Variants in ABCC8 observed in about 807,000 individuals in gnomAD.
ABCC8 encodes ATP-binding cassette sub-family C member 8.
ABCC8 carries 137 observed loss-of-function variants against 188.0 expected under a neutral mutation model. That is an observed-to-expected ratio of 0.73 (90% CI 0.63 to 0.84). The LOEUF (loss-of-function observed/expected upper bound fraction) is 0.84, where lower values mean the gene tolerates loss of function less well. Ranked by LOEUF, ABCC8 falls within the 40% of genes least tolerant of loss-of-function variation. The pLI is 0.00. For missense variants in ABCC8, 1,750 were observed against 2,072.7 expected, an observed-to-expected ratio of 0.84 and a Z score of 3.02; for synonymous variants, 797 against 846.5, an observed-to-expected ratio of 0.94 and a Z score of 1.01.
intron 10 of ABCC8, among the ~76,000 whole-genome samples, chr11:17,436,359 C>T (rs1956095709): frequency 6.6e-6 from 1 of 152,006 alleles, no homozygotes; most frequent in African/African-American, 2.4e-5. Flanking sequence ...GGGGGTAAGA[C>T]AGGAAGGCAG....
intron 3 of ABCC8, among the ~76,000 whole-genome samples, chr11:17,469,061 C>A (rs1449850264): frequency 2.2e-5 from 3 of 139,198 alleles, no homozygotes; most frequent in African/African-American, 8.1e-5. Context: ...CTCCCTCCTC[C>A]CTCCCTCCCT....
chr11:17,424,503 T>C (rs1376534627), intron 16 of ABCC8, among the ~76,000 whole-genome samples: 2 of 152,054 alleles, frequency 1.3e-5, no homozygotes, highest in African/African-American at 4.8e-5. Flanking sequence ...CCCCTGCCAA[T>C]CATGCCTGCT....
intron 29 of ABCC8, among the ~76,000 whole-genome samples, chr11:17,401,520 A>G (rs1954242680): frequency 6.6e-6 from 1 of 151,892 alleles, no homozygotes. Flanking sequence ...GGTTGGGGGG[A>G]GGAGATGTAA....
intron 36 of ABCC8, 181 bp from the exon 37 acceptor site, chr11:17,394,580 C>A: frequency 1.4e-6 from 1 of 690,498 alleles, no homozygotes; most frequent in Non-Finnish European, 1.8e-6. Context: ...TGGAGGCCGT[C>A]TGCAAGGACT....
At chr11:17,393,909 C>T in intron 37 of ABCC8, 150 bp from the exon 38 acceptor site, 1 of 1,523,114 alleles carries the variant, frequency 6.6e-7, no homozygotes, top group Non-Finnish European at 8.9e-7. Flanking sequence ...GAACAGGTTC[C>T]CGGCACTCAG....
In ABCC8 at chr11:17,428,602, G is replaced by A. The variant is rs375862506; in HGVS notation, c.1886C>T (p.Pro629Leu). The change falls in exon 13 of 39, where the codon CCC (proline) becomes CTC (leucine). Residue 629 changes from proline to leucine, a missense_variant. Coordinates refer to ENST00000389817, the MANE Select transcript of ABCC8 (RefSeq NM_000352.6). Reference protein sequence around the residue: ...IREEQCAPHEPTPQGPASKYQ... With the variant: ...IREEQCAPHELTPQGPASKYQ... ...CTTGCTGGCTGGGCCCTGAGGTGTG[G>A]GCTCATGGGGGGCACACTGCTCCTC... is the stretch of plus-strand genomic sequence containing the variant. 58 of 1,613,972 alleles carry A rather than the reference G, an allele frequency of 3.6e-5. No homozygotes were observed. Among genetic ancestry groups the A allele is most frequent in the Non-Finnish European group, 4.8e-5 (57 of 1,180,032 alleles).
chr11:17,467,196 AC>A (rs1412858714), intron 3 of ABCC8, among the ~76,000 whole-genome samples: 3 of 152,108 alleles, frequency 2.0e-5, no homozygotes, highest in Non-Finnish European at 4.4e-5. Flanking sequence ...AGACCTGATC[AC>A]TTAAGGCCAG....
At chr11:17,402,299 A>C (rs1954285837) in intron 29 of ABCC8, among the ~76,000 whole-genome samples, 1 of 152,188 alleles carries the variant, frequency 6.6e-6, no homozygotes, top group African/African-American at 2.4e-5. Flanking sequence ...AGTACTCAGC[A>C]TAGTGTTTGG....
rs1954400297 is a variant in ABCC8, at chr11:17,404,363, G to A, written c.3557+149C>T. On this transcript the variant is annotated intron_variant, in intron 28 of 38. Transcript: ENST00000389817. The surrounding 1 kb of genome is among the most constrained non-coding windows in gnomAD (Gnocchi z 4.7). ...TTATATTAGGGCGGTGGAATAAGAT[G>A]TGGATATTTCTATTTCCTTCATTTC... The A allele has an allele frequency of 3.5e-6, 3 of 849,706 alleles. No homozygotes were observed. The highest frequency in any genetic ancestry group is 6.0e-6 in the Non-Finnish European group (3 of 502,328). 52.6% of individuals were successfully genotyped at this position (849,706 alleles called of 1,614,324 possible). A position where few individuals can be genotyped will look rare whatever the true frequency, so the allele number is the denominator to read the frequency against.
intron 8 of ABCC8, among the ~76,000 whole-genome samples, chr11:17,446,941 T>C (rs575008059): frequency 4.6e-5 from 7 of 152,236 alleles, no homozygotes; most frequent in Non-Finnish European, 7.3e-5. Context: ...ACCTCACTCA[T>C]ACCAAACATG....
At chr11:17,421,676 A>G (rs1270996976) in intron 16 of ABCC8, among the ~76,000 whole-genome samples, 2 of 152,338 alleles carry the variant, frequency 1.3e-5, no homozygotes, top group South Asian at 4.1e-4. Context: ...TAATCCTCAC[A>G]TCAATCTCAT....
At chr11:17,416,006 C>T (rs1300391499) in intron 17 of ABCC8, among the ~76,000 whole-genome samples, 1 of 152,240 alleles carries the variant, frequency 6.6e-6, no homozygotes, top group Non-Finnish European at 1.5e-5. Flanking sequence ...AAACTTGTCA[C>T]ATGCCATGAG....
chr11:17,397,385 T>C (rs1591715885), intron 31 of ABCC8, 72 bp from the exon 32 acceptor site: 1 of 1,598,916 alleles, frequency 6.3e-7, no homozygotes, highest in Middle Eastern at 1.7e-4. Context: ...GAATGGCTCT[T>C]CTTAAGGCTG....
intron 37 of ABCC8, 30 bp downstream of exon 37, chr11:17,394,236 C>T (rs372252018): frequency 2.4e-5 from 39 of 1,610,096 alleles, no homozygotes; most frequent in Non-Finnish European, 2.9e-5. Context: ...TTTCCAAGAC[C>T]ATGGTCCCAT....
At chr11:17,449,481 G>A (rs1956674071) in intron 7 of ABCC8, among the ~76,000 whole-genome samples, 1 of 152,196 alleles carries the variant, frequency 6.6e-6, no homozygotes, top group Non-Finnish European at 1.5e-5. Context: ...GTCAGCCCCA[G>A]CACCATCCCC....
At chr11:17,394,474 G>A in intron 36 of ABCC8, 75 bp from the exon 37 acceptor site, 1 of 1,609,042 alleles carries the variant, frequency 6.2e-7, no homozygotes, top group Admixed American at 1.7e-5. Context: ...GGATGGCTTG[G>A]GGGGCTGTTG....
rs778606070 is a variant in ABCC8, at chr11:17,443,364, A to T, written c.1333-52T>A. ...CCTTTGACCTGATGGTTGCCCTGCCAGGAGGTGCTGGCAAAATCCCTGTTT... is the reference window on the plus strand; with the variant it reads ...CCTTTGACCTGATGGTTGCCCTGCCTGGAGGTGCTGGCAAAATCCCTGTTT... On this transcript the variant is annotated intron_variant, in intron 8 of 38. Coordinates refer to ENST00000389817, the MANE Select transcript of ABCC8 (RefSeq NM_000352.6). 4.3e-6 allele frequency: 7 copies of T among 1,613,004 alleles called. No homozygotes were observed. The South Asian group carries it at 4.4e-5, about 10-fold the overall frequency.
Position 17,395,711 on chromosome 11 carries a change from G to A in ABCC8, c.4206C>T (p.Ile1402=). Residue 1402 remains isoleucine, a synonymous_variant, in exon 35 of 39, where the codon ATC becomes ATT. Transcript: ENST00000389817. ...FRMVDTFEGH[I]IIDGIDIAKL... ...TGGCGATGTCAATGCCATCAATGATGATGTGCCCTGCATGGGTCCCAGTGA... is the reference window on the plus strand; with the variant it reads ...TGGCGATGTCAATGCCATCAATGATAATGTGCCCTGCATGGGTCCCAGTGA... The A allele has an allele frequency of 6.4e-7, 1 of 1,554,270 alleles. No homozygotes were observed. Among genetic ancestry groups the A allele is most frequent in the Non-Finnish European group, 8.7e-7 (1 of 1,148,362 alleles).
At position 17,404,410 on chromosome 11, in the gene ABCC8, G is replaced by T; in HGVS notation, c.3557+102C>A. 2.5e-6 allele frequency: 3 copies of T among 1,206,108 alleles called. No individual in the cohort carries two copies. Among genetic ancestry groups the T allele is most frequent in the Admixed American group, 1.8e-5 (1 of 56,696 alleles). The allele number at this position is 1,206,108 out of a possible 1,614,324, so 74.7% of individuals were successfully genotyped here. A position where few individuals can be genotyped will look rare whatever the true frequency, so the allele number is the denominator to read the frequency against. ...TTTCTGTTTTTTGTTTTTATTTTTT[G>T]GAGGGAACACGACCCTATTACTCTC... On this transcript the variant is annotated intron_variant, in intron 28 of 38. Coordinates refer to ENST00000389817, the MANE Select transcript of ABCC8 (RefSeq NM_000352.6). This position sits in a 1 kb window ranked among gnomAD's most constrained non-coding sequence, Gnocchi z 4.7.
Sources: allele counts gnomAD v4.1 joint callset (sites outside exome capture counted in the v4.1 genomes callset), GRCh38; gene constraint gnomAD v4.1.1; non-coding constraint Gnocchi (gnomAD v3.1); transcripts MANE v1.5; gene names NCBI Gene and HGNC (gene_info 2026-07-23, HGNC 2026-07-21).